Variants in ZNF69 observed in about 807,000 individuals in gnomAD.
ZNF69 encodes ZNF3.
ZNF69 carries 47 observed loss-of-function variants against 50.9 expected under a neutral mutation model. The ratio of observed to expected loss-of-function variants is 0.92; its 90% CI spans 0.73 to 1.18. The LOEUF (loss-of-function observed/expected upper bound fraction) is 1.18. Among genes scored for constraint, ZNF69 ranks in the 50% most tolerant of loss-of-function variants. ZNF69 has a pLI of 0.00. For synonymous variants in ZNF69, 216 were observed against 223.1 expected, an observed-to-expected ratio of 0.97 and a Z score of 0.29; for missense variants, 717 against 675.1, an observed-to-expected ratio of 1.06 and a Z score of -0.69.
chr19:11,923,704 A>G, the ZNF69 span, among the ~76,000 whole-genome samples: 3 of 152,206 alleles, frequency 2.0e-5, no homozygotes, highest in African/African-American at 7.2e-5. Context: ...CACTTTATAC[A>G]TAAGCATAGG....
At chr19:11,894,577 A>G (rs1217403882) in intron 1 of ZNF69, among the ~76,000 whole-genome samples, 1 of 152,148 alleles carries the variant, frequency 6.6e-6, no homozygotes. Context: ...ATATTCCCAC[A>G]GCTGCCATGT....
the ZNF69 span, among the ~76,000 whole-genome samples, chr19:11,938,368 A>C: frequency 6.6e-6 from 1 of 152,042 alleles, no homozygotes; most frequent in Non-Finnish European, 1.5e-5. Flanking sequence ...ATATCTCCTT[A>C]TGCTATCCCT....
chr19:11,978,314 G>A, the ZNF69 span: 6 of 1,614,060 alleles, frequency 3.7e-6, no homozygotes, highest in Non-Finnish European at 5.1e-6. Flanking sequence ...GTGACATTGG[G>A]CACAAGGCAT....
rs548305671 is a variant in ZNF69 at position 11,892,400 on chromosome 19, T to C, written c.63+4414T>C. Among the ~76,000 whole-genome samples, 16 of 152,116 alleles carry C rather than the reference T, an allele frequency of 1.1e-4. No individual in the cohort carries two copies. The South Asian group carries it at 2.1e-3, about 20-fold the overall frequency. Reference sequence around the variant, plus strand: ...AATTCAACATTCCAGCTGAAGACAATGTGATAGCCATGAAGTCTTTGTGTG... The same window carrying C: ...AATTCAACATTCCAGCTGAAGACAACGTGATAGCCATGAAGTCTTTGTGTG... On this transcript the variant is annotated intron_variant, in intron 1 of 3. Transcript: ENST00000429654.
At chr19:11,890,487 T>A (rs1977058747) in intron 1 of ZNF69, among the ~76,000 whole-genome samples, 1 of 152,234 alleles carries the variant, frequency 6.6e-6, no homozygotes, top group Non-Finnish European at 1.5e-5. Context: ...GGGCTAAAGT[T>A]ACAGATTAAC....
In ZNF69 at chr19:11,906,565, G is replaced by A. The variant is rs1972378431; in HGVS notation, c.*467G>A. ...TGCTGGTGATACCCAGGCAAACAGG[G>A]TCTGGAGTGGACCTCAAGCAAAATC... On this transcript the variant is annotated 3_prime_UTR_variant, in exon 4 of 4. Transcript: ENST00000429654. Among the ~76,000 whole-genome samples, 1 of 152,204 alleles carries A rather than the reference G, an allele frequency of 6.6e-6. No homozygotes were observed. The highest frequency in any genetic ancestry group is 1.5e-5 in the Non-Finnish European group (1 of 68,030).
the ZNF69 span, chr19:11,979,403 C>T: frequency 7.5e-6 from 12 of 1,610,352 alleles, no homozygotes; most frequent in South Asian, 1.2e-4. Context: ...CTCACACCTT[C>T]AAATTCATGA....
chr19:11,936,919 T>C, the ZNF69 span, among the ~76,000 whole-genome samples: 12 of 152,358 alleles, frequency 7.9e-5, no homozygotes, highest in African/African-American at 2.6e-4. Context: ...TAGCCAGTTC[T>C]CCCAGCACCA....
chr19:11,888,572 G>GA (rs1323795536), intron 1 of ZNF69, among the ~76,000 whole-genome samples: 1 of 152,146 alleles, frequency 6.6e-6, no homozygotes, highest in Non-Finnish European at 1.5e-5. Context: ...AAGTGGTCCC[G>GA]AGGCGGCTCA....
Position 11,905,197 on chromosome 19 carries a change from A to G in ZNF69, c.800A>G (p.Glu267Gly), listed in dbSNP as rs1180581713. 5 of 1,614,176 alleles carry G rather than the reference A, an allele frequency of 3.1e-6. No homozygotes were observed. Among genetic ancestry groups the G allele is most frequent in the Non-Finnish European group, 4.2e-6 (5 of 1,180,032 alleles). Residue 267 changes from glutamate to glycine, a missense_variant, in exon 4 of 4, where the codon GAA becomes GGA. Coordinates refer to ENST00000429654, the MANE Select transcript of ZNF69 (RefSeq NM_001364730.1). ...FSYSATLRIH[E>G]RTHTGEKPYE... ...TATTCTGCTACCCTTCGAATACACG[A>G]AAGAACTCACACTGGAGAAAAGCCT...
the ZNF69 span, among the ~76,000 whole-genome samples, chr19:11,931,609 T>C: frequency 6.7e-6 from 1 of 148,202 alleles, no homozygotes; most frequent in Non-Finnish European, 1.5e-5. Context: ...TTAATTTTAG[T>C]GAGGGAAACA....
downstream of ZNF69, among the ~76,000 whole-genome samples, chr19:11,918,904 T>G (rs1204472645): frequency 1.3e-5 from 2 of 151,870 alleles, no homozygotes; most frequent in Non-Finnish European, 2.9e-5. Flanking sequence ...TTTTTCTTTT[T>G]TTTTTTTTTG....
At chr19:11,979,266 G>C in the ZNF69 span, 1 of 1,613,000 alleles carries the variant, frequency 6.2e-7, no homozygotes, top group Non-Finnish European at 8.5e-7. Flanking sequence ...ACACTGGAGA[G>C]AAACCCTATG....
Position 11,905,114 on chromosome 19 carries a change from A to G in ZNF69, c.717A>G (p.Glu239=), listed in dbSNP as rs746191044. Residue 239 remains glutamate, a synonymous_variant, in exon 4 of 4, where the codon GAA becomes GAG. Coordinates refer to ENST00000429654, the MANE Select transcript of ZNF69 (RefSeq NM_001364730.1). ...GTCTCAGTTTATATCTTATCCATGAAAGAATTCACACTGGAGAGAAACCAT... is the reference window on the plus strand; with the variant it reads ...GTCTCAGTTTATATCTTATCCATGAGAGAATTCACACTGGAGAGAAACCAT... ...FHCLSLYLIH[E]RIHTGEKPYE... 13 of 1,614,066 alleles carry G rather than the reference A, an allele frequency of 8.1e-6. No homozygotes were observed. The highest frequency in any genetic ancestry group is 1.1e-5 in the Non-Finnish European group (13 of 1,180,032).
downstream of ZNF69, among the ~76,000 whole-genome samples, chr19:11,915,568 A>C (rs955593900): frequency 6.6e-5 from 10 of 152,176 alleles, no homozygotes; most frequent in Admixed American, 6.5e-5. Flanking sequence ...GAAGTCAGTG[A>C]CATTGGTGCC....
the ZNF69 span, chr19:11,965,290 G>A: frequency 5.6e-6 from 9 of 1,596,478 alleles, no homozygotes; most frequent in African/African-American, 1.3e-5. Context: ...GGCGGGACCC[G>A]GGCCTCCCTG....
intron 1 of ZNF69, among the ~76,000 whole-genome samples, chr19:11,899,783 G>A (rs996740551): frequency 4.6e-5 from 7 of 152,290 alleles, no homozygotes; most frequent in Admixed American, 4.6e-4. Flanking sequence ...GAATCAGTAA[G>A]ACCATGCTTA....
At chr19:11,975,436 C>T in the ZNF69 span, among the ~76,000 whole-genome samples, 24 of 146,906 alleles carry the variant, frequency 1.6e-4, no homozygotes, top group African/African-American at 4.5e-4. Flanking sequence ...CTTGCTCTGT[C>T]GCCCAGGCTG....
chr19:11,893,281 C>T (rs146414098), intron 1 of ZNF69, among the ~76,000 whole-genome samples: 1 of 152,314 alleles, frequency 6.6e-6, no homozygotes, highest in African/African-American at 2.4e-5. Context: ...GTAGGACCTT[C>T]GGACACTGCA....
Sources: gnomAD v4.1 joint callset for allele counts (sites outside exome capture counted in the v4.1 genomes callset) on GRCh38, gnomAD v4.1.1 for gene constraint, MANE v1.5 for transcripts, NCBI Gene and HGNC (gene_info 2026-07-23, HGNC 2026-07-21) for gene names.